Variants in SCHIP1 observed in about 807,000 individuals in gnomAD.
The protein encoded by SCHIP1 is schwannomin-interacting protein 1.
In SCHIP1, 8 loss-of-function variants were observed where a neutral mutation model predicts 29.7. The observed-to-expected ratio is 0.27, with a 90% CI of 0.16 to 0.49. SCHIP1 has a LOEUF of 0.49. SCHIP1 is among the 20% of genes least tolerant of loss of function. SCHIP1 has a pLI of 0.99. For missense variants in SCHIP1, 193 were observed against 294.6 expected (o/e 0.66, Z 2.52); for synonymous variants, 76 against 94.9 (o/e 0.80, Z 1.16).
chr3:159,632,558 C>T, the SCHIP1 span, among the ~76,000 whole-genome samples: 1 of 152,194 alleles, frequency 6.6e-6, no homozygotes, highest in Non-Finnish European at 1.5e-5. Flanking sequence ...GCTTCTGGAC[C>T]TTGCTCTCCT....
At chr3:159,492,010 T>A in the SCHIP1 span, among the ~76,000 whole-genome samples, 1 of 152,138 alleles carries the variant, frequency 6.6e-6, no homozygotes, top group East Asian at 1.9e-4. Flanking sequence ...GGACCTCCAG[T>A]AAACTCCAAC....
chr3:159,601,880 C>T, the SCHIP1 span, among the ~76,000 whole-genome samples: 1 of 152,220 alleles, frequency 6.6e-6, no homozygotes, highest in Non-Finnish European at 1.5e-5. Context: ...TCAGCAAAAG[C>T]TCCTGGGATG....
chr3:159,859,620 A>C (rs1560086067), intron 1 of SCHIP1, among the ~76,000 whole-genome samples: 1 of 152,242 alleles, frequency 6.6e-6, no homozygotes, highest in Non-Finnish European at 1.5e-5. Context: ...AATTGCTTCA[A>C]AACAAGCATC....
chr3:159,777,678 G>A, the SCHIP1 span, among the ~76,000 whole-genome samples: 1 of 152,170 alleles, frequency 6.6e-6, no homozygotes, highest in South Asian at 2.1e-4. Context: ...ACACACATAT[G>A]TGGCCTCAGC....
the SCHIP1 span, among the ~76,000 whole-genome samples, chr3:159,531,988 A>G: frequency 1.3e-5 from 2 of 152,318 alleles, no homozygotes; most frequent in East Asian, 3.9e-4. Flanking sequence ...TGCACTTAGA[A>G]ACAGAACATG....
At chr3:159,725,757 A>G in the SCHIP1 span, among the ~76,000 whole-genome samples, 187 of 152,350 alleles carry the variant, frequency 1.2e-3, no homozygotes, top group African/African-American at 4.4e-3. Flanking sequence ...ATTGTCTTTT[A>G]ACAGGGCCAA....
chr3:159,306,325 A>ATG, the SCHIP1 span, among the ~76,000 whole-genome samples: 1 of 152,284 alleles, frequency 6.6e-6, no homozygotes, highest in African/African-American at 2.4e-5. Flanking sequence ...ATGTTTAATA[A>ATG]CTTTCTTGTA....
chr3:159,336,016 A>T, the SCHIP1 span, among the ~76,000 whole-genome samples: 1 of 152,114 alleles, frequency 6.6e-6, no homozygotes, highest in Non-Finnish European at 1.5e-5. Context: ...TTGTTTCTTG[A>T]CTTTTCAATG....
chr3:159,704,868 CTT>C, the SCHIP1 span, among the ~76,000 whole-genome samples: 2 of 26,554 alleles, frequency 7.5e-5, no homozygotes, highest in African/African-American at 1.9e-4. Flanking sequence ...TTCCTTTTTT[CTT>C]TCTTTCTTTC....
the SCHIP1 span, among the ~76,000 whole-genome samples, chr3:159,549,749 A>T: frequency 1.3e-5 from 2 of 152,082 alleles, no homozygotes; most frequent in Non-Finnish European, 2.9e-5. Flanking sequence ...TGGAGTCCTG[A>T]TTTGGCCTAT....
chr3:159,880,456 A>G (rs545070255), intron 2 of SCHIP1, among the ~76,000 whole-genome samples: 2 of 152,252 alleles, frequency 1.3e-5, no homozygotes, highest in Admixed American at 6.5e-5. Flanking sequence ...CCACATTTCT[A>G]TTTATACATT....
the SCHIP1 span, among the ~76,000 whole-genome samples, chr3:159,570,602 T>C: frequency 6.6e-6 from 1 of 152,130 alleles, no homozygotes; most frequent in Admixed American, 6.6e-5. Flanking sequence ...TTGTTCTTTT[T>C]GCTTAGGATT....
At chr3:159,710,488 A>G in the SCHIP1 span, among the ~76,000 whole-genome samples, 1 of 152,212 alleles carries the variant, frequency 6.6e-6, no homozygotes, top group Non-Finnish European at 1.5e-5. Context: ...CAAGGTAACT[A>G]TAGTTAAAAT....
chr3:159,849,538 A>T (rs1712292497), intron 1 of SCHIP1, among the ~76,000 whole-genome samples: 1 of 152,226 alleles, frequency 6.6e-6, no homozygotes, highest in Non-Finnish European at 1.5e-5. Context: ...AAATCAGTAC[A>T]GTCATGGAGC....
the SCHIP1 span, among the ~76,000 whole-genome samples, chr3:159,694,975 C>A: frequency 6.6e-6 from 1 of 152,128 alleles, no homozygotes; most frequent in Non-Finnish European, 1.5e-5. Context: ...AGACTTGTCC[C>A]CACCATGGAA....
chr3:159,873,669 A>AT (rs1001734498), intron 2 of SCHIP1, among the ~76,000 whole-genome samples: 16 of 152,268 alleles, frequency 1.1e-4, no homozygotes, highest in East Asian at 1.9e-4. Flanking sequence ...GTAGAGTGTC[A>AT]TTTTTTTCTT....
At chr3:159,628,255 T>TA in the SCHIP1 span, among the ~76,000 whole-genome samples, 88 of 152,292 alleles carry the variant, frequency 5.8e-4, no homozygotes, top group South Asian at 7.9e-3. Context: ...AGAAACAACT[T>TA]ACAAAGCTTG....
At chr3:159,761,127 G>A in the SCHIP1 span, among the ~76,000 whole-genome samples, 2 of 152,228 alleles carry the variant, frequency 1.3e-5, no homozygotes, top group African/African-American at 4.8e-5. Context: ...GTAGACCTGG[G>A]TGGGTAGGGG....
At chr3:159,278,716 C>A in the SCHIP1 span, among the ~76,000 whole-genome samples, 1 of 152,176 alleles carries the variant, frequency 6.6e-6, no homozygotes, top group African/African-American at 2.4e-5. Context: ...TAGATACTGG[C>A]CCTGCTCTGA....
Sources: gnomAD v4.1 joint callset for allele counts (sites outside exome capture counted in the v4.1 genomes callset) on GRCh38, gnomAD v4.1.1 for gene constraint, MANE v1.5 for transcripts, NCBI Gene and HGNC (gene_info 2026-07-23, HGNC 2026-07-21) for gene names.